The following ALAS1 variants were observed in gnomAD, a reference collection of about 807,000 sequenced individuals.
ALAS1 encodes the protein 5-aminolevulinate synthase, non-specific, mitochondrial.
A neutral mutation model predicts 59.6 loss-of-function variants in ALAS1; 29 were observed. That is an observed-to-expected ratio of 0.49 (90% confidence interval 0.36 to 0.66). The LOEUF (loss-of-function observed/expected upper bound fraction) is 0.66. Among genes scored for constraint, ALAS1 ranks in the 30% least tolerant of loss-of-function variants. ALAS1 has a pLI of 0.00. For synonymous variants in ALAS1, 299 were observed against 296.6 expected, an observed-to-expected ratio of 1.01 and a Z score of -0.08; for missense variants, 690 against 807.5, an observed-to-expected ratio of 0.85 and a Z score of 1.76.
chr3:52,203,455 C>T (rs1440270933), intron 4 of ALAS1, among the ~76,000 whole-genome samples: 1 of 151,854 alleles, frequency 6.6e-6, no homozygotes, highest in Non-Finnish European at 1.5e-5. Flanking sequence ...GAGGGAGGAT[C>T]GCTTGAACCC....
chr3:52,204,332 A>G (rs1341824159), intron 5 of ALAS1, among the ~76,000 whole-genome samples: 3 of 152,228 alleles, frequency 2.0e-5, no homozygotes, highest in African/African-American at 7.2e-5. Context: ...TCAGTGAGCT[A>G]TGATCACGCT....
At chr3:52,207,910 C>T (rs1699327415) in intron 8 of ALAS1, among the ~76,000 whole-genome samples, 173 bp from the exon 9 acceptor site, 1 of 152,138 alleles carries the variant, frequency 6.6e-6, no homozygotes, top group African/African-American at 2.4e-5. Context: ...TCTATTCTGG[C>T]TTTTACTAGG....
chr3:52,211,111 C>T (rs538411037), intron 9 of ALAS1, among the ~76,000 whole-genome samples, 172 bp from the exon 10 acceptor site: 8 of 152,140 alleles, frequency 5.3e-5, no homozygotes, highest in Non-Finnish European at 1.0e-4. Context: ...TATATGTGGT[C>T]GTCATTGACT....
chr3:52,207,323 AG>A (rs1477383345), intron 8 of ALAS1, among the ~76,000 whole-genome samples: 1 of 151,566 alleles, frequency 6.6e-6, no homozygotes, highest in Non-Finnish European at 1.5e-5. Context: ...TATTTTTAGT[AG>A]ACGGGGTTTC....
chr3:52,204,243 G>A (rs1699248912), intron 5 of ALAS1, among the ~76,000 whole-genome samples: 1 of 152,104 alleles, frequency 6.6e-6, no homozygotes, highest in East Asian at 1.9e-4. Context: ...AATTAGCCAG[G>A]CATGATGGCT....
intron 8 of ALAS1, among the ~76,000 whole-genome samples, chr3:52,207,225 G>A (rs890929234): frequency 4.0e-5 from 6 of 151,858 alleles, no homozygotes; most frequent in East Asian, 3.9e-4. Context: ...GGATGGTCTC[G>A]ATCTACTGAC....
intron 4 of ALAS1, among the ~76,000 whole-genome samples, 166 bp downstream of exon 4, chr3:52,202,900 A>T (rs546128292): frequency 1.3e-5 from 2 of 152,330 alleles, no homozygotes; most frequent in East Asian, 3.9e-4. Context: ...AAGGGACTGT[A>T]TTGCGAAAGT....
intron 7 of ALAS1, 69 bp from the exon 8 acceptor site, chr3:52,206,501 CTG>C: frequency 6.6e-7 from 1 of 1,514,266 alleles, no homozygotes; most frequent in Non-Finnish European, 9.0e-7. Context: ...AAGGAAAAGT[CTG>C]TTGTCTTTCT....
rs544253941 is a variant in ALAS1, at chr3:52,207,160, C to T, written c.1165+409C>T. Among the ~76,000 whole-genome samples the T allele has an allele frequency of 3.9e-3, 587 of 152,240 alleles. 2 individuals are homozygous for T. The highest frequency in any genetic ancestry group is 6.7e-3 in the Non-Finnish European group (456 of 67,996). The stretch of plus-strand genomic sequence containing the variant: ...CTGGGACTACAGGCGCCTGCCACCA[C>T]GCCCAGCTAATTTTTTGTATTTTTA... On this transcript the variant is annotated intron_variant, in intron 8 of 11. Coordinates refer to ENST00000484952, the MANE Select transcript of ALAS1 (RefSeq NM_000688.6).
In ALAS1 at chr3:52,204,772, T is replaced by C; in HGVS notation, c.657T>C (p.Phe219=). 6.2e-7 allele frequency: 1 copy of C among 1,614,186 alleles called. No individual in the cohort carries two copies. The highest frequency in any genetic ancestry group is 1.1e-5 in the South Asian group (1 of 91,084). ...AGAATGACCACACCTATCGAGTTTT[T>C]AAAACTGTGAACCGGCGAGCACACA... The part of the protein sequence containing the change: ...EKKNDHTYRV[F]KTVNRRAHIF... The change falls in exon 6 of 12, where the codon TTT becomes TTC. Residue 219 remains phenylalanine, a synonymous_variant. Transcript: ENST00000484952.
intron 9 of ALAS1, among the ~76,000 whole-genome samples, chr3:52,210,296 A>G (rs778815441): frequency 2.0e-4 from 30 of 152,138 alleles, no homozygotes; most frequent in Non-Finnish European, 3.4e-4. Context: ...CCTGGGTGAG[A>G]AAGGGAAAGG....
chr3:52,204,985 G>A (rs909145950), intron 6 of ALAS1, 70 bp downstream of exon 6: 31 of 1,324,904 alleles, frequency 2.3e-5, no homozygotes, highest in Admixed American at 7.0e-5. Flanking sequence ...ATAGGGGTTG[G>A]ATCTTTTATG....
Position 52,203,935 on chromosome 3 carries a change from T to C in ALAS1, c.500T>C (p.Leu167Pro), listed in dbSNP as rs1239603651. 1 of 1,613,844 alleles carries C rather than the reference T, an allele frequency of 6.2e-7. No individual in the cohort carries two copies. The highest frequency in any genetic ancestry group is 1.7e-5 in the Admixed American group (1 of 59,972). ...KTDGGDPSGL[L>P]KNFQDIMQKQ... The stretch of plus-strand genomic sequence containing the variant: ...GATGGAGGGGATCCCAGTGGACTGC[T>C]GAAGAACTTCCAGGACATCATGCAA... Residue 167 changes from leucine (L) to proline (P), a missense_variant, in exon 5 of 12, where the codon CTG becomes CCG. Transcript: ENST00000484952.
intron 8 of ALAS1, among the ~76,000 whole-genome samples, chr3:52,207,482 T>C (rs1055799223): frequency 2.6e-5 from 4 of 152,156 alleles, no homozygotes; most frequent in African/African-American, 9.7e-5. Context: ...GATTTTTTTT[T>C]TTCTTCTTCC....
chr3:52,203,851 C>T lies in ALAS1; in HGVS notation c.428-12C>T, dbSNP rs1024591915. Reference sequence around the variant, plus strand: ...AGTTGGTCCCATTTGTTTCTTGTTACTTTTGTTCCAGAGGTTGCTGAAACC... The same window carrying T: ...AGTTGGTCCCATTTGTTTCTTGTTATTTTTGTTCCAGAGGTTGCTGAAACC... On this transcript the variant is annotated splice_polypyrimidine_tract_variant and intron_variant, in intron 4 of 11. Transcript: ENST00000484952. 3 of 1,566,356 alleles carry T rather than the reference C, an allele frequency of 1.9e-6. No homozygotes were observed. Among genetic ancestry groups the T allele is most frequent in the Non-Finnish European group, 2.6e-6 (3 of 1,156,624 alleles).
chr3:52,203,174 G>A (rs1699222385), intron 4 of ALAS1, among the ~76,000 whole-genome samples: 1 of 152,192 alleles, frequency 6.6e-6, no homozygotes, highest in Non-Finnish European at 1.5e-5. Flanking sequence ...TATATCTGCA[G>A]AGAACTCAAG....
intron 11 of ALAS1, 23 bp downstream of exon 11, chr3:52,212,443 G>A: frequency 1.2e-6 from 2 of 1,613,530 alleles, no homozygotes; most frequent in Non-Finnish European, 1.7e-6. Context: ...GGAGCTGCTG[G>A]TGCCTCACTG....
intron 7 of ALAS1, 107 bp from the exon 8 acceptor site, chr3:52,206,465 C>T (rs1699292944): frequency 7.8e-7 from 1 of 1,280,206 alleles, no homozygotes; most frequent in Non-Finnish European, 1.1e-6. Context: ...CTTTTTCCTA[C>T]TAGGCATTTT....
intron 8 of ALAS1, among the ~76,000 whole-genome samples, chr3:52,207,861 G>C (rs150596621): frequency 6.6e-6 from 1 of 152,180 alleles, no homozygotes; most frequent in African/African-American, 2.4e-5. Context: ...TTTGTAATTG[G>C]TGGACTTTTT....
Sources: gnomAD v4.1 joint callset for allele counts (sites outside exome capture counted in the v4.1 genomes callset) on GRCh38, gnomAD v4.1.1 for gene constraint, MANE v1.5 for transcripts, NCBI Gene and HGNC (gene_info 2026-07-23, HGNC 2026-07-21) for gene names.